LIG1: variants seen among roughly 807,000 people sequenced by gnomAD.
LIG1 encodes ligase I, DNA, ATP-dependent.
A neutral mutation model predicts 115.7 loss-of-function variants in LIG1; 70 were observed. The ratio of observed to expected loss-of-function variants is 0.60; its 90% CI spans 0.50 to 0.74. LIG1 has a LOEUF of 0.74. LIG1 is among the 30% of genes least tolerant of loss of function. The pLI is 0.00. For missense variants in LIG1, 1,115 were observed against 1,225.6 expected (o/e 0.91, Z 1.35); for synonymous variants, 487 against 495.3 (o/e 0.98, Z 0.22).
chr19:48,123,897 G>A (rs2033481400), intron 21 of LIG1, among the ~76,000 whole-genome samples: 1 of 151,364 alleles, frequency 6.6e-6, no homozygotes, highest in Non-Finnish European at 1.5e-5. Context: ...AATTCCAAAA[G>A]TTTTCACTGA....
At chr19:48,168,940 A>G (rs2036618036) in intron 1 of LIG1, among the ~76,000 whole-genome samples, 2 of 152,210 alleles carry the variant, frequency 1.3e-5, no homozygotes, top group Admixed American at 6.5e-5. Flanking sequence ...GGCAAACTGT[A>G]TAATTGTGAA....
chr19:48,164,599 G>C (rs539215864), intron 2 of LIG1, among the ~76,000 whole-genome samples: 5 of 152,338 alleles, frequency 3.3e-5, no homozygotes, highest in African/African-American at 1.2e-4. Flanking sequence ...TTTCCAAGGG[G>C]ACCGCTAAGA....
In LIG1 at chr19:48,136,123, G is replaced by C; in HGVS notation, c.1334C>G (p.Ser445Cys). 1.3e-6 allele frequency: 2 copies of C among 1,564,480 alleles called. No individual in the cohort carries two copies. Residue 445 changes from serine (S) to cysteine (C), a missense_variant and splice_region_variant, in exon 15 of 28, where the codon TCC (serine) becomes TGC (cysteine). Coordinates refer to ENST00000263274, the MANE Select transcript of LIG1 (RefSeq NM_000234.3). ...CCCAAGGCGCAGCCGTCCGCTCAGG[G>C]ACCTGGGGAGAGAGCAGGCCAGGGA... is the stretch of plus-strand genomic sequence containing the variant. ...RHSEARFIAR[S>C]LSGRLRLGLA...
At chr19:48,119,397 T>C (rs529679051) in intron 24 of LIG1, among the ~76,000 whole-genome samples, 1 of 152,286 alleles carries the variant, frequency 6.6e-6, no homozygotes, top group South Asian at 2.1e-4. Flanking sequence ...AGGCCTGCCG[T>C]GAACCACTCC....
intron 1 of LIG1, among the ~76,000 whole-genome samples, chr19:48,165,927 G>T (rs962061180): frequency 1.6e-4 from 24 of 152,254 alleles, no homozygotes; most frequent in Admixed American, 7.2e-4. Context: ...AAGTTTAAAG[G>T]TTAGTGAAAA....
At chr19:48,163,209 C>T (rs1037203392) in intron 2 of LIG1, among the ~76,000 whole-genome samples, 38 of 139,120 alleles carry the variant, frequency 2.7e-4, no homozygotes, top group African/African-American at 9.2e-4. Flanking sequence ...TGTGCCCCCG[C>T]GCCCAGCCTA....
At chr19:48,141,926 G>A (rs2034783313) in intron 11 of LIG1, among the ~76,000 whole-genome samples, 1 of 152,188 alleles carries the variant, frequency 6.6e-6, no homozygotes, top group South Asian at 2.1e-4. Flanking sequence ...TTGGAAAGAA[G>A]GTCTTTGCGG....
intron 4 of LIG1, among the ~76,000 whole-genome samples, chr19:48,158,598 C>A (rs886475655): frequency 1.3e-5 from 2 of 152,278 alleles, no homozygotes; most frequent in Non-Finnish European, 2.9e-5. Context: ...CACAAATCTT[C>A]TTCTTGCTCT....
At chr19:48,117,496 G>A in intron 26 of LIG1, 142 bp downstream of exon 26, 1 of 941,016 alleles carries the variant, frequency 1.1e-6, no homozygotes, top group Non-Finnish European at 1.6e-6. Flanking sequence ...CTTTTTATCT[G>A]ACACTCAAAT....
rs1452236022 is a variant in LIG1 at position 48,170,039 on chromosome 19, C to G, written c.-58+202G>C. The G allele has an allele frequency of 2.0e-5, 7 of 349,284 alleles. No homozygotes were observed. In the East Asian group the frequency reaches 6.1e-4, roughly 30 times the overall value. 21.6% of individuals were successfully genotyped at this position (349,284 alleles called of 1,614,324 possible). ...TCTCTCGTCTACCCTCTACCTGGCC[C>G]CCCTCCCTCTGGGAGACACCTCTCT... is the stretch of plus-strand genomic sequence containing the variant. On this transcript the variant is annotated intron_variant, in intron 1 of 27. Transcript: ENST00000263274.
intron 1 of LIG1, among the ~76,000 whole-genome samples, chr19:48,166,408 AAAAG>A (rs1244002020): frequency 2.0e-5 from 3 of 152,174 alleles, no homozygotes; most frequent in Non-Finnish European, 4.4e-5. Flanking sequence ...AAACAAAAAC[AAAAG>A]AAAGACTATA....
At chr19:48,132,896 G>C (rs1413239197) in intron 18 of LIG1, 86 bp downstream of exon 18, 1 of 986,706 alleles carries the variant, frequency 1.0e-6, no homozygotes, top group Non-Finnish European at 1.6e-6. Flanking sequence ...GCGCAGGCCG[G>C]CTTGAAGCTC....
Position 48,131,086 on chromosome 19 carries a change from C to T in LIG1, c.1811G>A (p.Arg604His), listed in dbSNP as rs766516122. ...NTGKYPDIIS[R>H]IPKIKLPSVT... ...GTGGCAGACGCCCACCTTGGGGATG[C>T]GGCTGATGATGTCCGGGTACTTCCC... The change falls in exon 19 of 28, where the codon CGC becomes CAC. Residue 604 changes from arginine to histidine, a missense_variant. Coordinates refer to ENST00000263274, the MANE Select transcript of LIG1 (RefSeq NM_000234.3). The T allele has an allele frequency of 6.2e-6, 10 of 1,613,622 alleles. No homozygotes were observed. Among genetic ancestry groups the T allele is most frequent in the East Asian group, 2.2e-5 (1 of 44,892 alleles).
intron 2 of LIG1, among the ~76,000 whole-genome samples, chr19:48,164,398 G>GT (rs930733071): frequency 2.6e-5 from 4 of 152,216 alleles, no homozygotes; most frequent in African/African-American, 9.6e-5. Context: ...TTTCCTCCTG[G>GT]TAACAGCCCC....
Position 48,137,572 on chromosome 19 carries a change from A to T in LIG1, c.1204T>A (p.Ser402Thr). ...TCGCGGAACTTGCTGAAGACCCCGG[A>T]GGCAGTGAGCGGAGGTGGTGGCAGC... The part of the protein sequence containing the change: ...LMLPPPPLTA[S>T]GVFSKFRDIA... The change falls in exon 13 of 28, where the codon TCC (serine) becomes ACC (threonine). Residue 402 changes from serine to threonine, a missense_variant. Physicochemically the swap from Ser to Thr is moderately conservative, Grantham distance 58 (BLOSUM62 1). Coordinates refer to ENST00000263274, the MANE Select transcript of LIG1 (RefSeq NM_000234.3). The surrounding 1 kb of genome is among the most constrained non-coding windows in gnomAD (Gnocchi z 4.3). The T allele has an allele frequency of 6.2e-7, 1 of 1,613,462 alleles. No homozygotes were observed. The highest frequency in any genetic ancestry group is 8.5e-7 in the Non-Finnish European group (1 of 1,179,990).
intron 9 of LIG1, among the ~76,000 whole-genome samples, chr19:48,144,980 G>A (rs3730926): frequency 0.3 from 44,954 of 151,940 alleles, 8,998 homozygotes; most frequent in African/African-American, 0.58. Flanking sequence ...GGAGCAATGC[G>A]CACTGCAGCC....
intron 11 of LIG1, 116 bp from the exon 12 acceptor site, chr19:48,140,259 G>C: frequency 2.8e-6 from 2 of 723,908 alleles, no homozygotes; most frequent in Non-Finnish European, 4.7e-6. Flanking sequence ...GAAGAGGAAA[G>C]GGCTCAGAAC....
Position 48,137,864 on chromosome 19 carries a change from A to C in LIG1, c.1088-176T>G. On this transcript the variant is annotated intron_variant, in intron 12 of 27. Transcript: ENST00000263274. This position sits in a 1 kb window ranked among gnomAD's most constrained non-coding sequence, Gnocchi z 4.3. ...GAAATGGCTTGGGGAACGTGCCCCC[A>C]GCCACGCTGGCTGTAGGAAGTCAGC... 1.3e-6 allele frequency: 1 copy of C among 744,042 alleles called. No individual in the cohort carries two copies. Among genetic ancestry groups the C allele is most frequent in the Non-Finnish European group, 2.2e-6 (1 of 448,234 alleles). The allele number at this position is 744,042 out of a possible 1,614,324, so 46.1% of individuals were successfully genotyped here.
chr19:48,131,235 T>C, intron 18 of LIG1, 64 bp from the exon 19 acceptor site: 1 of 1,215,874 alleles, frequency 8.2e-7, no homozygotes, highest in South Asian at 1.2e-5. Context: ...CAGCTTTCTC[T>C]TCTGACCCCA....
Sources: gnomAD v4.1 joint callset for allele counts (sites outside exome capture counted in the v4.1 genomes callset) on GRCh38, gnomAD v4.1.1 for gene constraint, Gnocchi (gnomAD v3.1) non-coding constraint, MANE v1.5 for transcripts, NCBI Gene and HGNC (gene_info 2026-07-23, HGNC 2026-07-21) for gene names.